The following ZNF423 variants were observed in gnomAD, a reference collection of about 807,000 sequenced individuals.
ZNF423 encodes the protein zinc finger protein 423, also known as Ebf-associated zinc finger protein.
In ZNF423, 12 loss-of-function variants were observed where a neutral mutation model predicts 95.8. That is an observed-to-expected ratio of 0.13 (90% CI 0.08 to 0.20). The LOEUF (loss-of-function observed/expected upper bound fraction) is 0.20. ZNF423 is among the 10% of genes least tolerant of loss of function. The pLI, the probability that ZNF423 is intolerant of heterozygous loss-of-function variation, is 1.00. For missense variants in ZNF423, 1,316 were observed against 1,737.1 expected (o/e 0.76, Z 4.31); for synonymous variants, 749 against 711.9 (o/e 1.05, Z -0.83).
At chr16:49,726,641 C>T (rs551961204) in intron 3 of ZNF423, among the ~76,000 whole-genome samples, 4 of 152,260 alleles carry the variant, frequency 2.6e-5, no homozygotes, top group Non-Finnish European at 5.9e-5. Flanking sequence ...AAATCCTTTG[C>T]CATTTCCTGA....
chr16:49,813,859 G>A (rs1428567127), intron 1 of ZNF423, among the ~76,000 whole-genome samples: 1 of 152,226 alleles, frequency 6.6e-6, no homozygotes, highest in Non-Finnish European at 1.5e-5. Context: ...CCCAGGAAAG[G>A]CCAAAAGCTC....
At chr16:49,745,845 A>T (rs952077177) in intron 2 of ZNF423, among the ~76,000 whole-genome samples, 2 of 152,220 alleles carry the variant, frequency 1.3e-5, no homozygotes, top group African/African-American at 4.8e-5. Context: ...AATTTGCATC[A>T]AAGGCAGGAA....
intron 1 of ZNF423, among the ~76,000 whole-genome samples, chr16:49,831,351 C>A (rs960844482): frequency 6.6e-6 from 1 of 152,114 alleles, no homozygotes; most frequent in African/African-American, 2.4e-5. Flanking sequence ...GGTTCATTTT[C>A]CCTATTTTAT....
chr16:49,843,304 C>T (rs1182660643), intron 1 of ZNF423, among the ~76,000 whole-genome samples: 3 of 152,158 alleles, frequency 2.0e-5, no homozygotes, highest in South Asian at 2.1e-4. Context: ...TCTGGTGCAA[C>T]GATTCTGTAG....
intron 1 of ZNF423, among the ~76,000 whole-genome samples, chr16:49,800,280 G>A (rs2034562398): frequency 6.6e-6 from 1 of 151,746 alleles, no homozygotes; most frequent in Non-Finnish European, 1.5e-5. Context: ...GTAGAGATGG[G>A]GTCTCACTAT....
At chr16:49,677,948 C>T (rs542489668) in intron 3 of ZNF423, among the ~76,000 whole-genome samples, 59 of 152,080 alleles carry the variant, frequency 3.9e-4, no homozygotes, top group African/African-American at 1.3e-3. Flanking sequence ...TTTGGGAGGC[C>T]GAGGCGGGTA....
chr16:49,707,641 C>T (rs1037686024), intron 3 of ZNF423, among the ~76,000 whole-genome samples: 3 of 149,782 alleles, frequency 2.0e-5, no homozygotes, highest in African/African-American at 7.4e-5. Context: ...ACAAAGAGCA[C>T]TTTCCCTACT....
At chr16:49,593,086 C>T (rs1002682758) in intron 5 of ZNF423, among the ~76,000 whole-genome samples, 3 of 152,070 alleles carry the variant, frequency 2.0e-5, no homozygotes, top group Non-Finnish European at 1.5e-5. Flanking sequence ...AGAAGGGGGA[C>T]CCCTGGTGGT....
At chr16:49,510,824 G>C (rs931704199) in intron 7 of ZNF423, among the ~76,000 whole-genome samples, 36 of 152,230 alleles carry the variant, frequency 2.4e-4, no homozygotes, top group Non-Finnish European at 2.2e-4. Flanking sequence ...CCCGGCTGAG[G>C]CAGCGCCGGG....
intron 1 of ZNF423, chr16:49,854,858 C>A: frequency 1.0e-6 from 1 of 985,394 alleles, no homozygotes; most frequent in African/African-American, 1.7e-5. Flanking sequence ...CTGCAGCTCC[C>A]CACAAACGCG....
At chr16:49,546,723 G>T (rs567834212) in intron 5 of ZNF423, among the ~76,000 whole-genome samples, 5 of 152,106 alleles carry the variant, frequency 3.3e-5, no homozygotes, top group Non-Finnish European at 7.3e-5. Context: ...AATGCTTTTC[G>T]AATATTCCCT....
intron 7 of ZNF423, among the ~76,000 whole-genome samples, chr16:49,504,089 G>A (rs1967536263): frequency 1.3e-5 from 2 of 152,188 alleles, no homozygotes; most frequent in South Asian, 4.1e-4. Context: ...GCTGCTGGGG[G>A]CTGGGAAAAG....
chr16:49,517,403 G>A (rs938642242), intron 7 of ZNF423, among the ~76,000 whole-genome samples: 4 of 152,200 alleles, frequency 2.6e-5, no homozygotes, highest in African/African-American at 9.6e-5. Flanking sequence ...GAAGACAACT[G>A]TCCCTGCATT....
chr16:49,729,163 C>T (rs912438986), intron 3 of ZNF423, among the ~76,000 whole-genome samples: 1 of 152,082 alleles, frequency 6.6e-6, no homozygotes, highest in African/African-American at 2.4e-5. Flanking sequence ...GGTGTGGGGC[C>T]CTGCTCTAAC....
At chr16:49,827,455 T>A (rs574672820) in intron 1 of ZNF423, among the ~76,000 whole-genome samples, 20 of 152,122 alleles carry the variant, frequency 1.3e-4, no homozygotes, top group African/African-American at 4.6e-4. Flanking sequence ...CCCTACCTAG[T>A]CTGGGACACG....
intron 1 of ZNF423, among the ~76,000 whole-genome samples, chr16:49,794,932 C>T (rs991511795): frequency 3.9e-5 from 6 of 152,146 alleles, no homozygotes; most frequent in African/African-American, 7.2e-5. Context: ...GGCTGGGGTA[C>T]AATAGTGTGA....
At chr16:49,650,978 TTTG>T (rs1320607665) in intron 3 of ZNF423, among the ~76,000 whole-genome samples, 3 of 152,124 alleles carry the variant, frequency 2.0e-5, no homozygotes, top group East Asian at 1.9e-4. Flanking sequence ...TTCCCAACTT[TTTG>T]TTGTTGTTGT....
At chr16:49,836,859 C>T (rs1446695054) in intron 1 of ZNF423, among the ~76,000 whole-genome samples, 2 of 152,204 alleles carry the variant, frequency 1.3e-5, no homozygotes, top group Non-Finnish European at 1.5e-5. Flanking sequence ...CCAGGCCCAA[C>T]CTTGTCCAAC....
rs1972371602 is a variant in ZNF423, at chr16:49,628,173, CCCACCCAT to C, written c.3517-1927_3517-1920del. On this transcript the variant is annotated intron_variant, in intron 4 of 7. Transcript: ENST00000563137. ...ACCCATCCATCCATCTACATACATACCCACCCATCCACCCATCCATCCATCCTTCATCT... is the reference window on the plus strand; with the variant it reads ...ACCCATCCATCCATCTACATACATACCCACCCATCCATCCATCCTTCATCT... Among the ~76,000 whole-genome samples, 3 of 149,322 alleles carry C rather than the reference CCCACCCAT, an allele frequency of 2.0e-5. No individual in the cohort carries two copies. In the South Asian group the frequency reaches 6.6e-4, roughly 33 times the overall value.
Sources: allele counts gnomAD v4.1 joint callset (sites outside exome capture counted in the v4.1 genomes callset), GRCh38; gene constraint gnomAD v4.1.1; transcripts MANE v1.5; gene names NCBI Gene and HGNC (gene_info 2026-07-23, HGNC 2026-07-21).